The following ATG2B variants were observed in gnomAD, a reference collection of about 807,000 sequenced individuals.
The protein encoded by ATG2B is autophagy related 2B.
In ATG2B, 121 loss-of-function variants were observed where a neutral mutation model predicts 241.3. The observed-to-expected ratio is 0.50, with a 90% CI of 0.43 to 0.58. ATG2B has a LOEUF of 0.58. Ranked by LOEUF, ATG2B falls within the 20% of genes least tolerant of loss-of-function variation. The pLI, the probability that ATG2B is intolerant of heterozygous loss-of-function variation, is 0.00. For synonymous variants in ATG2B, 858 were observed against 876.6 expected, an observed-to-expected ratio of 0.98 and a Z score of 0.37; for missense variants, 2,306 against 2,491.6, an observed-to-expected ratio of 0.93 and a Z score of 1.59.
Position 96,321,516 on chromosome 14 carries a change from G to C in ATG2B, c.2879+596C>G, listed in dbSNP as rs373892186. 2.6e-5 allele frequency among the ~76,000 whole-genome samples: 4 copies of C among 152,204 alleles called. No homozygotes were observed. The East Asian group carries it at 7.7e-4, about 29-fold the overall frequency. On this transcript the variant is annotated intron_variant, in intron 18 of 41. Transcript: ENST00000359933. The stretch of plus-strand genomic sequence containing the variant: ...AACAACCCTTATAGGTGGGAGCCAG[G>C]ATCATCTCCATTTTACAGAAGAGGA...
Position 96,345,232 on chromosome 14 carries a change from CCTGTTTCAATGGTTTCAGCAAACT to C in ATG2B, c.455_478del (p.Lys152_Val160delinsIle). 1 of 1,608,230 alleles carries C rather than the reference CCTGTTTCAATGGTTTCAGCAAACT, an allele frequency of 6.2e-7. No individual in the cohort carries two copies. The highest frequency in any genetic ancestry group is 8.5e-7 in the Non-Finnish European group (1 of 1,178,086). ...TTTGAAAATTCTCAGTAACACCAAA[CCTGTTTCAATGGTTTCAGCAAACT>C]TTTCAAGTCCTTCAAAAGGCTGGGA... On this transcript the variant is annotated inframe_deletion and splice_region_variant, in exon 3 of 42. Coordinates refer to ENST00000359933, the MANE Select transcript of ATG2B (RefSeq NM_018036.7).
At chr14:96,342,997 A>G in intron 5 of ATG2B, 122 bp downstream of exon 5, 1 of 651,954 alleles carries the variant, frequency 1.5e-6, no homozygotes. Flanking sequence ...GAATATTTGC[A>G]TTAAATCTCA....
intron 34 of ATG2B, among the ~76,000 whole-genome samples, chr14:96,301,409 T>C (rs747082888): frequency 2.0e-5 from 3 of 152,340 alleles, no homozygotes; most frequent in Non-Finnish European, 4.4e-5. Flanking sequence ...CCTATTTTCA[T>C]ACATCTTGGT....
chr14:96,303,405 A>G, intron 32 of ATG2B, 150 bp from the exon 33 acceptor site: 1 of 558,322 alleles, frequency 1.8e-6, no homozygotes, highest in Non-Finnish European at 2.9e-6. Flanking sequence ...CAACAACATG[A>G]CATTCCTTCA....
At chr14:96,341,769 A>G (rs1888043353) in intron 5 of ATG2B, 68 bp from the exon 6 acceptor site, 1 of 1,169,642 alleles carries the variant, frequency 8.5e-7, no homozygotes, top group African/African-American at 1.5e-5. Context: ...TGTAAAATAT[A>G]AATGTCAACT....
At chr14:96,339,596 A>G (rs1446229453) in intron 6 of ATG2B, among the ~76,000 whole-genome samples, 1 of 152,088 alleles carries the variant, frequency 6.6e-6, no homozygotes, top group African/African-American at 2.4e-5. Context: ...ACTGGAGGCC[A>G]TTATTCTAAG....
chr14:96,303,846 G>C (rs1260629164), intron 32 of ATG2B, among the ~76,000 whole-genome samples: 1 of 152,068 alleles, frequency 6.6e-6, no homozygotes, highest in Non-Finnish European at 1.5e-5. Context: ...TTCTCAATAG[G>C]AATAAGACAT....
At position 96,317,283 on chromosome 14, in the gene ATG2B, C is replaced by T; in HGVS notation, c.3072G>A (p.Gln1024=). Residue 1024 remains glutamine, a synonymous_variant, in exon 20 of 42, where the codon CAG becomes CAA. Coordinates refer to ENST00000359933, the MANE Select transcript of ATG2B (RefSeq NM_018036.7). ...EESGSEEETL[Q]YFSTVDPNYR... is the part of the protein sequence containing the mutation. The stretch of plus-strand genomic sequence containing the variant: ...AGTTGGGATCAACAGTGGAAAAATA[C>T]TGCAAAGTCTCCTCCTCAGATCCAC... The T allele has an allele frequency of 1.2e-6, 2 of 1,613,648 alleles. No homozygotes were observed. Among genetic ancestry groups the T allele is most frequent in the Non-Finnish European group, 8.5e-7 (1 of 1,179,774 alleles).
In ATG2B at chr14:96,316,654, C is replaced by G; in HGVS notation, c.3240G>C (p.Lys1080Asn). 1 of 1,610,558 alleles carries G rather than the reference C, an allele frequency of 6.2e-7. No homozygotes were observed. ...TGAACTCTAACCAGAATTCACCATG[C>G]TTGTTTTCCAACAGATCTCCATTAT... ...KQDNGDLLENKHGEFWLEFNS... is the reference protein window; with the variant it reads ...KQDNGDLLENNHGEFWLEFNS... The change falls in exon 21 of 42, where the codon AAG becomes AAC. Residue 1080 changes from lysine to asparagine, a missense_variant. Coordinates refer to ENST00000359933, the MANE Select transcript of ATG2B (RefSeq NM_018036.7).
chr14:96,302,573 T>C (rs1056750385), intron 33 of ATG2B, among the ~76,000 whole-genome samples: 8 of 132,478 alleles, frequency 6.0e-5, no homozygotes, highest in Non-Finnish European at 1.1e-4. Flanking sequence ...GAGACACTGT[T>C]GGGGGGAAAA....
In ATG2B at chr14:96,347,181, G is replaced by C. The variant is rs766287562; in HGVS notation, c.323C>G (p.Pro108Arg). Residue 108 changes from proline to arginine, a missense_variant and splice_region_variant, in exon 2 of 42, where the codon CCA becomes CGA. Pro to Arg is a moderately radical substitution (Grantham distance 103, BLOSUM62 -2). This residue lies in a region of ATG2B where 1,927 missense variants were observed against 2,011.2 expected (regional missense o/e 0.96). Transcript: ENST00000359933. ...LEMVFRPRPR[P>R]ATGSEPMYWS... Reference sequence around the variant, plus strand: ...ACAGAAACATACAACACACCAACCTGGGCGAGGTCTAGGCCGGAAGACCAT... The same window carrying C: ...ACAGAAACATACAACACACCAACCTCGGCGAGGTCTAGGCCGGAAGACCAT... The C allele has an allele frequency of 4.4e-6, 7 of 1,577,776 alleles. No individual in the cohort carries two copies. Among genetic ancestry groups the C allele is most frequent in the Non-Finnish European group, 6.1e-6 (7 of 1,152,284 alleles).
chr14:96,344,473 C>T (rs1215613469), intron 4 of ATG2B, among the ~76,000 whole-genome samples, 181 bp downstream of exon 4: 1 of 152,158 alleles, frequency 6.6e-6, no homozygotes, highest in Non-Finnish European at 1.5e-5. Context: ...CCAACTGGCA[C>T]TTTCAAGTTT....
chr14:96,354,922 G>C (rs1326286694), intron 1 of ATG2B, among the ~76,000 whole-genome samples: 1 of 151,974 alleles, frequency 6.6e-6, no homozygotes, highest in East Asian at 1.9e-4. Flanking sequence ...TTCCACATTT[G>C]TTGGTCACAT....
chr14:96,291,834 T>G lies in ATG2B; in HGVS notation c.5497-152A>C, dbSNP rs1031168013. On this transcript the variant is annotated intron_variant, in intron 37 of 41. Coordinates refer to ENST00000359933, the MANE Select transcript of ATG2B (RefSeq NM_018036.7). ...GTAAAAATATATATCTTACAATACA[T>G]ATGACCCAATTTATACCAAATTTTA... is the stretch of plus-strand genomic sequence containing the variant. 14 of 619,030 alleles carry G rather than the reference T, an allele frequency of 2.3e-5. No homozygotes were observed. The African/African-American group carries it at 2.6e-4, about 12-fold the overall frequency. 38.3% of individuals were successfully genotyped at this position (619,030 alleles called of 1,614,324 possible).
At chr14:96,310,270 A>C (rs1887114174) in intron 28 of ATG2B, among the ~76,000 whole-genome samples, 1 of 152,348 alleles carries the variant, frequency 6.6e-6, no homozygotes, top group East Asian at 1.9e-4. Context: ...GTGAGAATAC[A>C]GCAGGAACAA....
intron 15 of ATG2B, 30 bp downstream of exon 15, chr14:96,325,619 T>C (rs374677161): frequency 1.1e-5 from 17 of 1,587,638 alleles, no homozygotes; most frequent in Non-Finnish European, 1.4e-5. Flanking sequence ...TTATCTAGGA[T>C]GGTTCTTTTA....
chr14:96,300,159 T>C lies in ATG2B; in HGVS notation c.5139+1848A>G, dbSNP rs80240011. ...GGTTCTAAGATTAATAACTCTCCAC[T>C]TTAAAATCATAATGCTTTATAGTTC... On this transcript the variant is annotated intron_variant, in intron 34 of 41. Transcript: ENST00000359933. Among the ~76,000 whole-genome samples, 1,359 of 152,314 alleles carry C rather than the reference T, an allele frequency of 8.9e-3. 19 individuals are homozygous for C. The highest frequency in any genetic ancestry group is 0.031 in the African/African-American group (1,297 of 41,558).
At chr14:96,358,481 G>A (rs1279967711) in intron 1 of ATG2B, among the ~76,000 whole-genome samples, 3 of 152,096 alleles carry the variant, frequency 2.0e-5, no homozygotes, top group African/African-American at 7.2e-5. Flanking sequence ...AACAGTTTTG[G>A]AGAGTCAACA....
rs555427613 is a variant in ATG2B, at chr14:96,322,714, T to C, written c.2562A>G (p.Pro854=). 1.2e-6 allele frequency: 2 copies of C among 1,613,188 alleles called. No individual in the cohort carries two copies. Among genetic ancestry groups the C allele is most frequent in the South Asian group, 2.2e-5 (2 of 90,962 alleles). ...DWPRIVLKIN[P]PAMHSILERI... ...TCTCCAAAATGGAATGCATGGCTGG[T>C]GGATTTATTTTCAGTACAATTCTGA... The change falls in exon 17 of 42, where the codon CCA becomes CCG. Residue 854 remains proline, a synonymous_variant. Coordinates refer to ENST00000359933, the MANE Select transcript of ATG2B (RefSeq NM_018036.7).
Sources: gnomAD v4.1 joint callset for allele counts (sites outside exome capture counted in the v4.1 genomes callset) on GRCh38, gnomAD v4.1.1 for gene constraint, gnomAD v4.1.1 regional missense constraint, MANE v1.5 for transcripts, NCBI Gene and HGNC (gene_info 2026-07-23, HGNC 2026-07-21) for gene names.